The following STARD13 variants were observed in gnomAD, a reference collection of about 807,000 sequenced individuals.
STARD13 encodes the protein stAR-related lipid transfer protein 13.
In STARD13, 62 loss-of-function variants were observed where a neutral mutation model predicts 106.4. The ratio of observed to expected loss-of-function variants is 0.58; its 90% CI spans 0.48 to 0.72. STARD13 has a LOEUF of 0.72. Ranked by LOEUF, STARD13 falls within the 30% of genes least tolerant of loss-of-function variation. STARD13 has a pLI of 0.00. For missense variants in STARD13, 1,387 were observed against 1,424.0 expected, an observed-to-expected ratio of 0.97 and a Z score of 0.42; for synonymous variants, 565 against 553.0, an observed-to-expected ratio of 1.02 and a Z score of -0.31.
chr13:33,108,642 C>T (rs1273018470), intron 12 of STARD13, among the ~76,000 whole-genome samples: 3 of 152,146 alleles, frequency 2.0e-5, no homozygotes, highest in Non-Finnish European at 2.9e-5. Context: ...GGCACGTGGT[C>T]GTGATGGAAC....
chr13:33,292,788 G>A (rs1892344343), intron 1 of STARD13, among the ~76,000 whole-genome samples: 1 of 151,982 alleles, frequency 6.6e-6, no homozygotes. Context: ...GAAAACCGTG[G>A]TTCAAGTACA....
chr13:33,331,707 T>G (rs1201147709), intron 1 of STARD13, among the ~76,000 whole-genome samples: 1 of 152,028 alleles, frequency 6.6e-6, no homozygotes, highest in African/African-American at 2.4e-5. Flanking sequence ...CTAAGTTCCT[T>G]GAGTGTTAGT....
At chr13:33,264,637 G>C (rs1172997156) in intron 1 of STARD13, among the ~76,000 whole-genome samples, 1 of 152,110 alleles carries the variant, frequency 6.6e-6, no homozygotes, top group African/African-American at 2.4e-5. Flanking sequence ...ATATAAATAC[G>C]GGACAAGAAC....
chr13:33,481,485 C>A, the STARD13 span, among the ~76,000 whole-genome samples: 4 of 152,028 alleles, frequency 2.6e-5, no homozygotes, highest in South Asian at 8.3e-4. Flanking sequence ...ATAGAAAACA[C>A]GGAGGATAAA....
intron 1 of STARD13, among the ~76,000 whole-genome samples, chr13:33,310,550 TAAC>T (rs1364125055): frequency 2.0e-5 from 3 of 152,256 alleles, no homozygotes; most frequent in Non-Finnish European, 4.4e-5. Context: ...TATAAAAAAA[TAAC>T]AAACTAAATG....
the STARD13 span, among the ~76,000 whole-genome samples, chr13:33,669,068 G>A: frequency 7.9e-5 from 12 of 152,190 alleles, no homozygotes; most frequent in African/African-American, 2.9e-4. Context: ...GGATCACAAT[G>A]TAAACTTGTG....
At chr13:33,493,138 ATG>A in the STARD13 span, among the ~76,000 whole-genome samples, 1 of 152,178 alleles carries the variant, frequency 6.6e-6, no homozygotes, top group Non-Finnish European at 1.5e-5. Context: ...GGAATCAGCA[ATG>A]TGTGTGATTA....
the STARD13 span, among the ~76,000 whole-genome samples, chr13:33,524,763 T>C: frequency 6.6e-6 from 1 of 152,144 alleles, no homozygotes; most frequent in African/African-American, 2.4e-5. Flanking sequence ...TGGTGTACGA[T>C]ATGATGTTTT....
At chr13:33,345,980 T>A (rs2078012673), downstream of STARD13, among the ~76,000 whole-genome samples, 1 of 152,194 alleles carries the variant, frequency 6.6e-6, no homozygotes, top group Non-Finnish European at 1.5e-5. Flanking sequence ...CCCTCAGTCA[T>A]CCCCACCTCC....
the STARD13 span, among the ~76,000 whole-genome samples, chr13:33,437,994 A>C: frequency 1.3e-5 from 2 of 152,192 alleles, no homozygotes; most frequent in Non-Finnish European, 2.9e-5. Flanking sequence ...CATCCAATCT[A>C]GGACTATTAA....
the STARD13 span, among the ~76,000 whole-genome samples, chr13:33,526,833 T>C: frequency 6.6e-6 from 1 of 152,110 alleles, no homozygotes; most frequent in Non-Finnish European, 1.5e-5. Flanking sequence ...GGTAAATTGA[T>C]TAAAGAATAA....
intron 1 of STARD13, among the ~76,000 whole-genome samples, chr13:33,202,767 G>C (rs1887134414): frequency 6.6e-6 from 1 of 152,126 alleles, no homozygotes; most frequent in Non-Finnish European, 1.5e-5. Context: ...GGACAGAACT[G>C]GGCAGAGCGT....
the STARD13 span, among the ~76,000 whole-genome samples, chr13:33,627,377 G>A: frequency 5.9e-5 from 9 of 151,996 alleles, no homozygotes; most frequent in South Asian, 2.1e-4. Context: ...GGTGGCTCAC[G>A]TCTGTAATCC....
chr13:33,646,283 T>A, the STARD13 span, among the ~76,000 whole-genome samples: 34 of 152,330 alleles, frequency 2.2e-4, no homozygotes, highest in East Asian at 6.4e-3. Flanking sequence ...TCATATAAGA[T>A]CTTAAAACGC....
At chr13:33,602,772 T>A in the STARD13 span, among the ~76,000 whole-genome samples, 2 of 152,212 alleles carry the variant, frequency 1.3e-5, no homozygotes, top group Admixed American at 1.3e-4. Context: ...CATAGGAGCA[T>A]GAACCCTGTT....
At chr13:33,258,660 A>G (rs187918718) in intron 1 of STARD13, among the ~76,000 whole-genome samples, 62 of 152,344 alleles carry the variant, frequency 4.1e-4, no homozygotes, top group African/African-American at 1.2e-3. Flanking sequence ...TTTCTTACAC[A>G]AGGACTTAAT....
chr13:33,671,290 T>C, the STARD13 span, among the ~76,000 whole-genome samples: 3 of 152,388 alleles, frequency 2.0e-5, no homozygotes, highest in East Asian at 3.9e-4. Flanking sequence ...AATTACCATA[T>C]GGTAGTTAAA....
At chr13:33,580,675 T>G in the STARD13 span, among the ~76,000 whole-genome samples, 2 of 152,132 alleles carry the variant, frequency 1.3e-5, 1 homozygote, top group South Asian at 4.1e-4. Flanking sequence ...ATATAGGAAC[T>G]CTGTATTTTC....
At chr13:33,305,894 AT>A (rs1892887475) in intron 1 of STARD13, among the ~76,000 whole-genome samples, 1 of 152,240 alleles carries the variant, frequency 6.6e-6, no homozygotes, top group South Asian at 2.1e-4. Flanking sequence ...GAAAATGGCC[AT>A]ACTGCTTAAA....
Sources: allele counts gnomAD v4.1 joint callset (sites outside exome capture counted in the v4.1 genomes callset), GRCh38; gene constraint gnomAD v4.1.1; transcripts MANE v1.5; gene names NCBI Gene and HGNC (gene_info 2026-07-23, HGNC 2026-07-21).